SUGCT: variants seen among roughly 807,000 people sequenced by gnomAD.
SUGCT encodes succinyl-CoA:glutarate CoA-transferase.
A neutral mutation model predicts 55.0 loss-of-function variants in SUGCT; 41 were observed. The observed-to-expected ratio is 0.74, with a 90% CI of 0.58 to 0.97. The LOEUF (loss-of-function observed/expected upper bound fraction) is 0.97, where lower values mean the gene tolerates loss of function less well. Ranked by LOEUF, SUGCT falls within the 50% of genes least tolerant of loss-of-function variation. SUGCT has a pLI of 0.00. For synonymous variants in SUGCT, 187 were observed against 200.4 expected (o/e 0.93, Z 0.56); for missense variants, 568 against 547.8 (o/e 1.04, Z -0.37).
At position 40,200,452 on chromosome 7, in the gene SUGCT, T is replaced by C. The variant is rs28367148; in HGVS notation, c.484+5392T>C. On this transcript the variant is annotated intron_variant, in intron 6 of 13. Transcript: ENST00000335693. ...AGGTTTTTTTTTGAGGGGGGTAACATTTAAGAGACCTGAAGGATGACAAGG... is the reference window on the plus strand; with the variant it reads ...AGGTTTTTTTTTGAGGGGGGTAACACTTAAGAGACCTGAAGGATGACAAGG... 3.5e-3 allele frequency among the ~76,000 whole-genome samples: 530 copies of C among 151,596 alleles called. 3 individuals are homozygous for C. The highest frequency in any genetic ancestry group is 0.012 in the African/African-American group (499 of 41,240).
chr7:40,392,080 A>C (rs2151303784), intron 9 of SUGCT, among the ~76,000 whole-genome samples: 1 of 152,336 alleles, frequency 6.6e-6, no homozygotes, highest in East Asian at 1.9e-4. Context: ...TGGGAATTGA[A>C]CAATGAGAAT....
At chr7:40,409,240 G>A (rs940717888) in intron 9 of SUGCT, among the ~76,000 whole-genome samples, 3 of 151,812 alleles carry the variant, frequency 2.0e-5, no homozygotes, top group African/African-American at 4.8e-5. Flanking sequence ...ACAGGTGTGA[G>A]CCATCATGCT....
chr7:40,725,409 A>G (rs1366715592), intron 12 of SUGCT, among the ~76,000 whole-genome samples: 2 of 152,104 alleles, frequency 1.3e-5, no homozygotes, highest in African/African-American at 4.8e-5. Context: ...AAATGACACA[A>G]TGCGTTTTCC....
chr7:40,785,568 C>T (rs1032168703), intron 13 of SUGCT, among the ~76,000 whole-genome samples: 1 of 152,058 alleles, frequency 6.6e-6, no homozygotes, highest in African/African-American at 2.4e-5. Context: ...TTTCTGGGGG[C>T]AGCAAGACAC....
chr7:40,969,539 A>G, the SUGCT span, among the ~76,000 whole-genome samples: 3 of 151,566 alleles, frequency 2.0e-5, no homozygotes, highest in Non-Finnish European at 2.9e-5. Context: ...TAATTTTTGT[A>G]CTGACGGGGG....
chr7:40,743,845 C>G (rs188228287), intron 12 of SUGCT, among the ~76,000 whole-genome samples: 1 of 152,170 alleles, frequency 6.6e-6, no homozygotes, highest in Admixed American at 6.6e-5. Flanking sequence ...CATTGCACTT[C>G]GTCCCTTAGA....
the SUGCT span, among the ~76,000 whole-genome samples, chr7:40,871,372 G>A: frequency 1.3e-5 from 2 of 152,080 alleles, no homozygotes; most frequent in African/African-American, 4.8e-5. Context: ...AGAGAGAGGG[G>A]GGCCATTTGG....
At chr7:40,991,539 A>G in the SUGCT span, among the ~76,000 whole-genome samples, 1 of 152,174 alleles carries the variant, frequency 6.6e-6, no homozygotes, top group Non-Finnish European at 1.5e-5. Flanking sequence ...AAAATGCAGT[A>G]TCTGTGAAAT....
the SUGCT span, among the ~76,000 whole-genome samples, chr7:40,969,046 G>A: frequency 1.3e-5 from 2 of 152,228 alleles, no homozygotes; most frequent in African/African-American, 2.4e-5. Context: ...CCAACTCAGG[G>A]CACTGTGGGT....
chr7:40,882,492 G>A, the SUGCT span, among the ~76,000 whole-genome samples: 1 of 152,188 alleles, frequency 6.6e-6, no homozygotes, highest in Admixed American at 6.5e-5. Flanking sequence ...CATCAAGGCT[G>A]TGTGTGTCTG....
intron 9 of SUGCT, among the ~76,000 whole-genome samples, chr7:40,381,914 G>A (rs1293856363): frequency 2.0e-5 from 3 of 151,904 alleles, no homozygotes; most frequent in Admixed American, 2.0e-4. Context: ...ATTATTTCAG[G>A]TGGAGTTGAT....
At chr7:40,271,954 C>T (rs558118713) in intron 7 of SUGCT, among the ~76,000 whole-genome samples, 1 of 151,434 alleles carries the variant, frequency 6.6e-6, no homozygotes, top group African/African-American at 2.4e-5. Context: ...TGCTTGGCTT[C>T]TTTCATGTAA....
At chr7:40,220,642 A>T (rs999927811) in intron 6 of SUGCT, among the ~76,000 whole-genome samples, 2 of 152,222 alleles carry the variant, frequency 1.3e-5, no homozygotes, top group Non-Finnish European at 2.9e-5. Context: ...CTCATGTAAA[A>T]GTGGGAAATT....
At chr7:40,557,870 G>T (rs1467165720) in intron 12 of SUGCT, among the ~76,000 whole-genome samples, 3 of 151,876 alleles carry the variant, frequency 2.0e-5, no homozygotes, top group Non-Finnish European at 4.4e-5. Context: ...TCTGATAAGG[G>T]ATTAAGAATC....
At chr7:40,299,203 G>A (rs1021182910) in intron 8 of SUGCT, among the ~76,000 whole-genome samples, 1 of 152,094 alleles carries the variant, frequency 6.6e-6, no homozygotes, top group Non-Finnish European at 1.5e-5. Context: ...TATGCCAGAC[G>A]GGTAATTAAA....
chr7:40,391,008 A>G (rs1785399043), intron 9 of SUGCT, among the ~76,000 whole-genome samples: 1 of 152,244 alleles, frequency 6.6e-6, no homozygotes. Flanking sequence ...TTCTTTGACA[A>G]ACCTGACAGA....
chr7:40,998,834 A>G, the SUGCT span, among the ~76,000 whole-genome samples: 2 of 152,230 alleles, frequency 1.3e-5, no homozygotes, highest in Non-Finnish European at 2.9e-5. Flanking sequence ...TGGACTTTAC[A>G]AAAGCTTAGG....
intron 5 of SUGCT, among the ~76,000 whole-genome samples, chr7:40,193,757 C>A (rs1400991461): frequency 2.6e-5 from 4 of 151,640 alleles, no homozygotes; most frequent in African/African-American, 9.7e-5. Context: ...TGCCACCACA[C>A]CTGGCTCATT....
At chr7:40,843,325 C>T (rs1483753106) in intron 13 of SUGCT, among the ~76,000 whole-genome samples, 1 of 151,856 alleles carries the variant, frequency 6.6e-6, no homozygotes, top group African/African-American at 2.4e-5. Context: ...TCCCGGCCAA[C>T]ATGGTGAAAC....
Sources: gnomAD v4.1 joint callset for allele counts (sites outside exome capture counted in the v4.1 genomes callset) on GRCh38, gnomAD v4.1.1 for gene constraint, MANE v1.5 for transcripts, NCBI Gene and HGNC (gene_info 2026-07-23, HGNC 2026-07-21) for gene names.